Variants in CREG2 observed in about 807,000 individuals in gnomAD.
CREG2 encodes protein CREG2.
Under a neutral mutation model 26.2 loss-of-function variants are expected in CREG2, and 24 were observed. That is an observed-to-expected ratio of 0.92 (90% CI 0.66 to 1.29). The LOEUF is 1.29. CREG2 is among the 50% of genes most tolerant of loss of function. CREG2 has a pLI of 0.00. For missense variants in CREG2, 366 were observed against 398.6 expected (o/e 0.92, Z 0.70); for synonymous variants, 174 against 169.2 (o/e 1.03, Z -0.22).
chr2:101,356,446 T>A (rs1037077806), intron 2 of CREG2, among the ~76,000 whole-genome samples: 1 of 152,242 alleles, frequency 6.6e-6, no homozygotes, highest in African/African-American at 2.4e-5. Context: ...AGTTCTGTTG[T>A]GAATATGTTC....
chr2:101,370,787 G>C (rs1375989673), intron 2 of CREG2, among the ~76,000 whole-genome samples: 3 of 152,166 alleles, frequency 2.0e-5, no homozygotes, highest in African/African-American at 7.2e-5. Flanking sequence ...GCAGGGTCAG[G>C]CTGGCCTCAG....
chr2:101,353,119 T>C (rs1188845990), intron 3 of CREG2, among the ~76,000 whole-genome samples: 1 of 152,250 alleles, frequency 6.6e-6, no homozygotes, highest in Non-Finnish European at 1.5e-5. Context: ...TTTTCTCTTG[T>C]AAATTTGTTT....
chr2:101,348,023 A>G lies in CREG2; in HGVS notation c.*2900T>C, dbSNP rs147879370. 2.6e-5 allele frequency: 4 copies of G among 152,276 alleles called. No homozygotes were observed. The highest frequency in any genetic ancestry group is 9.6e-5 in the African/African-American group (4 of 41,562). 9.4% of individuals were successfully genotyped at this position (152,276 alleles called of 1,614,324 possible). A position where few individuals can be genotyped will look rare whatever the true frequency, so the allele number is the denominator to read the frequency against. On this transcript the variant is annotated 3_prime_UTR_variant, in exon 4 of 4. Coordinates refer to ENST00000324768, the MANE Select transcript of CREG2 (RefSeq NM_153836.4). ...AGTCCAAGGTTCATTTTATTTTCCT[A>G]TGGATGTCCACTTACTCCACACTTA...
At chr2:101,357,303 G>A (rs1442350867) in intron 2 of CREG2, among the ~76,000 whole-genome samples, 8 of 151,888 alleles carry the variant, frequency 5.3e-5, no homozygotes, top group South Asian at 2.1e-4. Flanking sequence ...GATGACAGGC[G>A]TGAGCCATCG....
chr2:101,364,644 G>T (rs1684594276), intron 2 of CREG2, among the ~76,000 whole-genome samples: 1 of 152,244 alleles, frequency 6.6e-6, no homozygotes, highest in Non-Finnish European at 1.5e-5. Context: ...GGATGTTCTA[G>T]GCGTGCTGAG....
rs1684310649 is a variant in CREG2, at chr2:101,346,633, T to A, written c.*4290A>T. The A allele has an allele frequency of 6.6e-6, 1 of 152,236 alleles. No individual in the cohort carries two copies. Among genetic ancestry groups the A allele is most frequent in the African/African-American group, 2.4e-5 (1 of 41,464 alleles). The allele number at this position is 152,236 out of a possible 1,614,324, so 9.4% of individuals were successfully genotyped here. A position where few individuals can be genotyped will look rare whatever the true frequency, so the allele number is the denominator to read the frequency against. ...CAAATGAAATGCTGTCTCTTTGTAC[T>A]AGGTTTTGGCTTATAGCTCAGTTCC... On this transcript the variant is annotated 3_prime_UTR_variant, in exon 4 of 4. Transcript: ENST00000324768.
rs754075328 is a variant in CREG2 at position 101,387,315 on chromosome 2, T to G, written c.143A>C (p.Glu48Ala). The G allele has an allele frequency of 1.3e-6, 2 of 1,489,554 alleles. No individual in the cohort carries two copies. Among genetic ancestry groups the G allele is most frequent in the Non-Finnish European group, 1.8e-6 (2 of 1,112,832 alleles). 92.3% of individuals were successfully genotyped at this position (1,489,554 alleles called of 1,614,324 possible). Residue 48 changes from glutamate (E) to alanine (A), a missense_variant, in exon 1 of 4, where the codon GAG (glutamate) becomes GCG (alanine). Physicochemically the swap from Glu to Ala is moderately radical, Grantham distance 107. Coordinates refer to ENST00000324768, the MANE Select transcript of CREG2 (RefSeq NM_153836.4). The surrounding 1 kb of genome is among the most constrained non-coding windows in gnomAD (Gnocchi z 4.7). ...VSWAVTNEVD[E>A]ELDSASTEEA... is the part of the protein sequence containing the mutation. ...CTCAGTGGAGGCGCTGTCCAGCTCCTCGTCCACCTCGTTGGTGACGGCCCA... is the reference window on the plus strand; with the variant it reads ...CTCAGTGGAGGCGCTGTCCAGCTCCGCGTCCACCTCGTTGGTGACGGCCCA...
chr2:101,352,324 A>G (rs1320397534), intron 3 of CREG2, among the ~76,000 whole-genome samples: 2 of 152,258 alleles, frequency 1.3e-5, no homozygotes, highest in Non-Finnish European at 2.9e-5. Flanking sequence ...CCCAAATATT[A>G]TGCAGCCAAG....
intron 2 of CREG2, among the ~76,000 whole-genome samples, chr2:101,379,259 T>C (rs2104484297): frequency 6.6e-6 from 1 of 152,284 alleles, no homozygotes; most frequent in East Asian, 1.9e-4. Flanking sequence ...AATGAAAATA[T>C]CTGGAAAAAA....
At chr2:101,378,015 C>T (rs193060184) in intron 2 of CREG2, among the ~76,000 whole-genome samples, 23 of 152,176 alleles carry the variant, frequency 1.5e-4, no homozygotes, top group African/African-American at 4.6e-4. Flanking sequence ...TGAGCATGGC[C>T]ACAATCAAAT....
chr2:101,356,522 G>A (rs1684462604), intron 2 of CREG2, among the ~76,000 whole-genome samples: 1 of 152,090 alleles, frequency 6.6e-6, no homozygotes, highest in Non-Finnish European at 1.5e-5. Context: ...TTTACTAACA[G>A]GGTAGATCTC....
At chr2:101,363,859 CA>C (rs1447819557) in intron 2 of CREG2, among the ~76,000 whole-genome samples, 11 of 150,942 alleles carry the variant, frequency 7.3e-5, no homozygotes, top group African/African-American at 2.0e-4. Context: ...CAAACACACA[CA>C]CACACACACA....
intron 2 of CREG2, among the ~76,000 whole-genome samples, chr2:101,361,405 G>T (rs773432656): frequency 1.3e-5 from 2 of 152,198 alleles, no homozygotes; most frequent in Non-Finnish European, 2.9e-5. Flanking sequence ...ATTTGGCTGA[G>T]CCCAAGGCAA....
intron 2 of CREG2, among the ~76,000 whole-genome samples, chr2:101,365,417 A>G (rs1008463186): frequency 3.9e-5 from 6 of 152,086 alleles, no homozygotes; most frequent in South Asian, 2.1e-4. Context: ...CCTCTACTCC[A>G]TCCTCCTAGG....
At chr2:101,357,671 A>C (rs531940912) in intron 2 of CREG2, among the ~76,000 whole-genome samples, 1 of 152,244 alleles carries the variant, frequency 6.6e-6, no homozygotes, top group South Asian at 2.1e-4. Context: ...ACATTTGTAC[A>C]TCACCTCATT....
rs553655987 is a variant in CREG2 at position 101,350,668 on chromosome 2, G to A, written c.*255C>T. The A allele has an allele frequency of 3.7e-5, 13 of 348,706 alleles. No homozygotes were observed. Among genetic ancestry groups the A allele is most frequent in the African/African-American group, 1.0e-4 (5 of 47,722 alleles). 21.6% of individuals were successfully genotyped at this position (348,706 alleles called of 1,614,324 possible). ...CCAGCTATTATATGATTTCTGAATC[G>A]ATGAGTCTGGATTGAATACAATGGA... On this transcript the variant is annotated 3_prime_UTR_variant, in exon 4 of 4. Coordinates refer to ENST00000324768, the MANE Select transcript of CREG2 (RefSeq NM_153836.4).
chr2:101,350,678 G>T lies in CREG2; in HGVS notation c.*245C>A. On this transcript the variant is annotated 3_prime_UTR_variant, in exon 4 of 4. Transcript: ENST00000324768. Reference sequence around the variant, plus strand: ...TATGATTTCTGAATCGATGAGTCTGGATTGAATACAATGGAATAAAGACTA... The same window carrying T: ...TATGATTTCTGAATCGATGAGTCTGTATTGAATACAATGGAATAAAGACTA... 2.2e-6 allele frequency: 1 copy of T among 455,410 alleles called. No homozygotes were observed. Among genetic ancestry groups the T allele is most frequent in the Admixed American group, 3.8e-5 (1 of 26,224 alleles). The allele number at this position is 455,410 out of a possible 1,614,324, so 28.2% of individuals were successfully genotyped here.
chr2:101,355,683 C>T (rs75051779), intron 2 of CREG2, among the ~76,000 whole-genome samples: 2 of 130,234 alleles, frequency 1.5e-5, no homozygotes, highest in African/African-American at 2.9e-5. Context: ...CTGACCCCCT[C>T]GAGGGACTTG....
intron 3 of CREG2, among the ~76,000 whole-genome samples, chr2:101,353,634 A>T (rs1164927820): frequency 1.3e-5 from 2 of 152,376 alleles, no homozygotes; most frequent in Non-Finnish European, 2.9e-5. Flanking sequence ...AAAGGATTAT[A>T]AATCATTCTG....
Sources: gnomAD v4.1 joint callset for allele counts (sites outside exome capture counted in the v4.1 genomes callset) on GRCh38, gnomAD v4.1.1 for gene constraint, Gnocchi (gnomAD v3.1) non-coding constraint, MANE v1.5 for transcripts, NCBI Gene and HGNC (gene_info 2026-07-23, HGNC 2026-07-21) for gene names.